Variants in SEMA6D observed in about 807,000 individuals in gnomAD.
SEMA6D encodes the protein semaphorin 6D.
In SEMA6D, 35 loss-of-function variants were observed where a neutral mutation model predicts 106.6. That is an observed-to-expected ratio of 0.33 (90% CI 0.25 to 0.44). The LOEUF (loss-of-function observed/expected upper bound fraction) is 0.44, where lower values mean the gene tolerates loss of function less well. Ranked by LOEUF, SEMA6D falls within the 20% of genes least tolerant of loss-of-function variation. The probability of loss-of-function intolerance (pLI) is 1.00; values close to 1 mark genes in which losing one functional copy is unlikely to be tolerated. For missense variants in SEMA6D, 1,185 were observed against 1,345.9 expected (o/e 0.88, Z 1.87); for synonymous variants, 499 against 487.7 (o/e 1.02, Z -0.31).
At chr15:47,313,604 G>A (rs933569798) in intron 1 of SEMA6D, among the ~76,000 whole-genome samples, 4 of 152,034 alleles carry the variant, frequency 2.6e-5, no homozygotes, top group African/African-American at 7.3e-5. Flanking sequence ...TCTCTCTGTT[G>A]CCTAGGCTGG....
intron 3 of SEMA6D, among the ~76,000 whole-genome samples, chr15:47,596,350 A>G (rs1019046706): frequency 2.6e-5 from 4 of 152,130 alleles, no homozygotes; most frequent in Non-Finnish European, 4.4e-5. Flanking sequence ...CAAAATGTGC[A>G]TACTACTCAA....
intron 3 of SEMA6D, among the ~76,000 whole-genome samples, chr15:47,513,827 G>A (rs1205636213): frequency 6.6e-6 from 1 of 152,180 alleles, no homozygotes; most frequent in Non-Finnish European, 1.5e-5. Context: ...AAATTGTTTA[G>A]GCAAGTACTT....
At chr15:47,632,250 T>G (rs2077306053) in intron 4 of SEMA6D, among the ~76,000 whole-genome samples, 1 of 152,050 alleles carries the variant, frequency 6.6e-6, no homozygotes, top group Admixed American at 6.6e-5. Flanking sequence ...GAATGTTTCA[T>G]GGTTACTTTT....
chr15:47,642,585 G>C (rs1014803458), intron 4 of SEMA6D, among the ~76,000 whole-genome samples: 1 of 152,138 alleles, frequency 6.6e-6, no homozygotes, highest in Non-Finnish European at 1.5e-5. Context: ...ATCTAGATAG[G>C]AGCAATGTAG....
At chr15:47,590,963 TC>T (rs2076427689) in intron 3 of SEMA6D, among the ~76,000 whole-genome samples, 1 of 152,186 alleles carries the variant, frequency 6.6e-6, no homozygotes, top group Non-Finnish European at 1.5e-5. Context: ...TGCAATGAGA[TC>T]TTGACATGGG....
intron 3 of SEMA6D, among the ~76,000 whole-genome samples, chr15:47,559,059 A>G (rs2046000139): frequency 2.0e-5 from 3 of 152,144 alleles, no homozygotes. Flanking sequence ...TGGATAGATT[A>G]AGAGATTAGA....
Position 47,508,028 on chromosome 15 carries a change from A to G in SEMA6D, c.-87+37483A>G, listed in dbSNP as rs79092399. Among the ~76,000 whole-genome samples, 13 of 152,310 alleles carry G rather than the reference A, an allele frequency of 8.5e-5. No homozygotes were observed. In the East Asian group the frequency reaches 2.5e-3, roughly 29 times the overall value. ...CAGTTCTTAATATCATAACCATGCA[A>G]TACTGCCTATGAAATGACAGAAAAT... On this transcript the variant is annotated intron_variant, in intron 3 of 19. Transcript: ENST00000558014.
chr15:47,281,735 G>A (rs548390919), intron 1 of SEMA6D, among the ~76,000 whole-genome samples: 1 of 151,866 alleles, frequency 6.6e-6, no homozygotes, highest in East Asian at 1.9e-4. Flanking sequence ...TTTTATTTTC[G>A]ATGGAAAACC....
At chr15:47,270,190 ATATGT>A (rs1474309883) in intron 1 of SEMA6D, among the ~76,000 whole-genome samples, 2 of 148,364 alleles carry the variant, frequency 1.3e-5, no homozygotes, top group African/African-American at 4.9e-5. Context: ...ATATTTTATT[ATATGT>A]TATATTTGTA....
rs117996261 is a variant in SEMA6D at position 47,474,346 on chromosome 15, C to T, written c.-87+3801C>T. On this transcript the variant is annotated intron_variant, in intron 3 of 19. Coordinates refer to the SEMA6D transcript ENST00000558014. ...AGAAGTAGATTGAAGAGTAAATGGC[C>T]TAATTAATTGTAGAATGTTTGCTCA... Among the ~76,000 whole-genome samples, 5 of 152,236 alleles carry T rather than the reference C, an allele frequency of 3.3e-5. No homozygotes were observed. The East Asian group carries it at 9.7e-4, about 29-fold the overall frequency.
At chr15:47,346,529 A>T (rs746622824) in intron 1 of SEMA6D, among the ~76,000 whole-genome samples, 1 of 152,204 alleles carries the variant, frequency 6.6e-6, no homozygotes, top group Non-Finnish European at 1.5e-5. Context: ...CAATTACCAG[A>T]TGATAGCACA....
At chr15:47,639,349 T>C (rs2144690237) in intron 4 of SEMA6D, among the ~76,000 whole-genome samples, 1 of 152,158 alleles carries the variant, frequency 6.6e-6, no homozygotes, top group African/African-American at 2.4e-5. Flanking sequence ...TAGTATTGAG[T>C]TAAAACCCAA....
chr15:47,751,307 T>G (rs879456002), intron 1 of SEMA6D, among the ~76,000 whole-genome samples: 16 of 152,164 alleles, frequency 1.1e-4, no homozygotes, highest in Admixed American at 1.0e-3. Flanking sequence ...ATTACAACCC[T>G]CCTTGTCTTG....
intron 4 of SEMA6D, among the ~76,000 whole-genome samples, chr15:47,607,099 T>C (rs941588596): frequency 2.8e-5 from 4 of 143,308 alleles, no homozygotes; most frequent in Non-Finnish European, 1.5e-5. Context: ...TGATAAGGAC[T>C]TGATCAGATA....
chr15:47,266,636 A>G (rs2034332304), intron 1 of SEMA6D, among the ~76,000 whole-genome samples: 1 of 152,074 alleles, frequency 6.6e-6, no homozygotes, highest in Non-Finnish European at 1.5e-5. Flanking sequence ...GGGAACCCCT[A>G]TTTCTCATCC....
intron 1 of SEMA6D, among the ~76,000 whole-genome samples, chr15:47,737,895 GC>G (rs561288226): frequency 7.9e-5 from 12 of 152,044 alleles, no homozygotes; most frequent in Non-Finnish European, 1.8e-4. Context: ...AATTTACCCT[GC>G]CATGTGCAAT....
intron 1 of SEMA6D, among the ~76,000 whole-genome samples, chr15:47,400,029 AT>A (rs911253484): frequency 6.6e-6 from 1 of 152,184 alleles, no homozygotes; most frequent in African/African-American, 2.4e-5. Context: ...GAATAATTTT[AT>A]TTTTATGATA....
At chr15:47,485,665 A>G (rs1447557514) in intron 3 of SEMA6D, among the ~76,000 whole-genome samples, 3 of 152,120 alleles carry the variant, frequency 2.0e-5, no homozygotes, top group Admixed American at 6.5e-5. Context: ...TGCAAGAAAA[A>G]TAGCAGAAAG....
chr15:47,384,450 G>A (rs1159090970), intron 1 of SEMA6D, among the ~76,000 whole-genome samples: 5 of 152,108 alleles, frequency 3.3e-5, no homozygotes, highest in Non-Finnish European at 5.9e-5. Context: ...AGGATTTCTC[G>A]GCAAGCTGAC....
Sources: allele counts gnomAD v4.1 joint callset (sites outside exome capture counted in the v4.1 genomes callset), GRCh38; gene constraint gnomAD v4.1.1; transcripts MANE v1.5; gene names NCBI Gene and HGNC (gene_info 2026-07-23, HGNC 2026-07-21).